The following CBLB variants were observed in gnomAD, a reference collection of about 807,000 sequenced individuals.
The protein encoded by CBLB is E3 ubiquitin-protein ligase CBL-B.
In CBLB, 31 loss-of-function variants were observed where a neutral mutation model predicts 104.9. That is an observed-to-expected ratio of 0.30 (90% CI 0.22 to 0.40). The LOEUF is 0.40. Ranked by LOEUF, CBLB falls within the 10% of genes least tolerant of loss-of-function variation. The pLI, the probability that CBLB is intolerant of heterozygous loss-of-function variation, is 1.00. For missense variants in CBLB, 1,062 were observed against 1,214.6 expected (o/e 0.87, Z 1.87); for synonymous variants, 440 against 422.6 (o/e 1.04, Z -0.51).
At chr3:105,837,243 A>G (rs1374841343) in intron 3 of CBLB, among the ~76,000 whole-genome samples, 1 of 152,212 alleles carries the variant, frequency 6.6e-6, no homozygotes, top group Non-Finnish European at 1.5e-5. Flanking sequence ...TATAACAACC[A>G]TCTGCTGCAC....
At chr3:105,837,316 T>G (rs901257755) in intron 3 of CBLB, among the ~76,000 whole-genome samples, 1 of 152,240 alleles carries the variant, frequency 6.6e-6, no homozygotes, top group Non-Finnish European at 1.5e-5. Flanking sequence ...AACTGGACTA[T>G]TCATGTCGAA....
intron 9 of CBLB, among the ~76,000 whole-genome samples, chr3:105,720,573 C>G (rs1002381732): frequency 1.3e-5 from 2 of 152,126 alleles, no homozygotes; most frequent in Non-Finnish European, 2.9e-5. Context: ...CTGAAGAAAA[C>G]TGGAAATTGA....
At chr3:105,729,884 T>C (rs1443013748) in intron 9 of CBLB, among the ~76,000 whole-genome samples, 4 of 152,100 alleles carry the variant, frequency 2.6e-5, no homozygotes, top group Admixed American at 2.6e-4. Context: ...AACATTCCTG[T>C]TCATGCAATA....
At chr3:105,768,416 GAACAT>G (rs1476333225) in intron 4 of CBLB, among the ~76,000 whole-genome samples, 1 of 152,178 alleles carries the variant, frequency 6.6e-6, no homozygotes, top group African/African-American at 2.4e-5. Context: ...CTGAAGAACA[GAACAT>G]AAGTAAAGGA....
chr3:105,703,904 T>C (rs1473574362), intron 11 of CBLB, 84 bp downstream of exon 11: 8 of 1,274,386 alleles, frequency 6.3e-6, no homozygotes, highest in Non-Finnish European at 9.0e-6. Context: ...CAAAAAAATA[T>C]GAGTAATGGA....
intron 4 of CBLB, among the ~76,000 whole-genome samples, chr3:105,763,371 G>C (rs1350384114): frequency 6.6e-6 from 1 of 152,170 alleles, no homozygotes; most frequent in Non-Finnish European, 1.5e-5. Flanking sequence ...TCGTTTGGCT[G>C]TGTCCCCACC....
chr3:105,769,317 T>TA (rs35906059), intron 4 of CBLB, among the ~76,000 whole-genome samples: 314 of 146,086 alleles, frequency 2.1e-3, no homozygotes, highest in African/African-American at 2.8e-3. Flanking sequence ...AAACTCCACC[T>TA]AAAAAAAAAA....
intron 9 of CBLB, among the ~76,000 whole-genome samples, chr3:105,725,600 A>C (rs190987961): frequency 6.6e-6 from 1 of 152,286 alleles, no homozygotes; most frequent in East Asian, 1.9e-4. Flanking sequence ...TGTTACTATA[A>C]CGTGTTTGGA....
At chr3:105,723,729 T>C (rs13082334) in intron 9 of CBLB, among the ~76,000 whole-genome samples, 1 of 152,120 alleles carries the variant, frequency 6.6e-6, no homozygotes, top group South Asian at 2.1e-4. Context: ...TTCCATACTT[T>C]GTTTAAATAT....
At chr3:105,812,303 C>T (rs182738509) in intron 3 of CBLB, among the ~76,000 whole-genome samples, 3 of 152,278 alleles carry the variant, frequency 2.0e-5, no homozygotes, top group African/African-American at 7.2e-5. Flanking sequence ...GTCTCAATGG[C>T]TATGCTATTA....
chr3:105,772,846 A>C (rs1187578610), intron 4 of CBLB, among the ~76,000 whole-genome samples: 3 of 152,160 alleles, frequency 2.0e-5, no homozygotes, highest in African/African-American at 7.2e-5. Flanking sequence ...CAATGACCAT[A>C]ATTAAAAACA....
At chr3:105,857,905 C>T (rs1276735455) in intron 2 of CBLB, among the ~76,000 whole-genome samples, 1 of 152,176 alleles carries the variant, frequency 6.6e-6, no homozygotes, top group African/African-American at 2.4e-5. Context: ...AGGAGAAAAG[C>T]AGCAGCTCAC....
rs2092494632 is a variant in CBLB, at chr3:105,867,546, C to G, written c.32G>C (p.Gly11Ala). MANSMNGRNP[G>A]GRGGNPRKGR... ...TTTTCGGGGATTTCCTCCTCGACCA[C>G]CAGGGTTTCTGCCATTCATTGAGTT... The change falls in exon 2 of 19, where the codon GGT (glycine) becomes GCT (alanine). Residue 11 changes from glycine to alanine, a missense_variant. Physicochemically the swap from Gly to Ala is moderately conservative, Grantham distance 60. Transcript: ENST00000394030. 1 of 1,613,948 alleles carries G rather than the reference C, an allele frequency of 6.2e-7. No homozygotes were observed. The highest frequency in any genetic ancestry group is 8.5e-7 in the Non-Finnish European group (1 of 1,179,996).
intron 3 of CBLB, among the ~76,000 whole-genome samples, chr3:105,794,229 C>T (rs2082005337): frequency 1.3e-5 from 2 of 152,122 alleles, no homozygotes; most frequent in South Asian, 2.1e-4. Flanking sequence ...AATTTCTTGA[C>T]AACTGTTACC....
chr3:105,828,855 A>C (rs1282414408), intron 3 of CBLB, among the ~76,000 whole-genome samples: 1 of 152,226 alleles, frequency 6.6e-6, no homozygotes, highest in African/African-American at 2.4e-5. Context: ...GGTCAAAGGA[A>C]GTTTTATACA....
intron 3 of CBLB, 80 bp from the exon 4 acceptor site, chr3:105,776,622 GACAA>G (rs1176956889): frequency 5.5e-6 from 7 of 1,278,974 alleles, no homozygotes; most frequent in East Asian, 2.4e-5. Context: ...TATATATTAA[GACAA>G]ACAATGTTAT....
intron 1 of CBLB, among the ~76,000 whole-genome samples, chr3:105,867,878 T>TAAA (rs76716093): frequency 2.1e-5 from 3 of 141,300 alleles, no homozygotes; most frequent in Admixed American, 7.0e-5. Flanking sequence ...ACTCAACTCA[T>TAAA]AAAAAAAAAA....
At chr3:105,731,635 T>G (rs754086838) in intron 9 of CBLB, among the ~76,000 whole-genome samples, 1 of 152,164 alleles carries the variant, frequency 6.6e-6, no homozygotes. Context: ...TATTACTTTA[T>G]AGAGACGGGG....
intron 17 of CBLB, chr3:105,671,885 C>G (rs2065094666): frequency 5.2e-6 from 1 of 192,958 alleles, no homozygotes; most frequent in Non-Finnish European, 1.1e-5. Context: ...CATTAATTTT[C>G]CAGAAATATT....
Sources: gnomAD v4.1 joint callset for allele counts (sites outside exome capture counted in the v4.1 genomes callset) on GRCh38, gnomAD v4.1.1 for gene constraint, MANE v1.5 for transcripts, NCBI Gene and HGNC (gene_info 2026-07-23, HGNC 2026-07-21) for gene names.